AMD1: variants seen among roughly 807,000 people sequenced by gnomAD.
AMD1 encodes the protein S-adenosylmethionine decarboxylase proenzyme.
Under a neutral mutation model 40.2 loss-of-function variants are expected in AMD1, and 11 were observed. That is an observed-to-expected ratio of 0.27 (90% CI 0.17 to 0.45). The LOEUF is 0.45. Among genes scored for constraint, AMD1 ranks in the 20% least tolerant of loss-of-function variants. The pLI is 1.00. For missense variants in AMD1, 257 were observed against 410.2 expected (o/e 0.63, Z 3.23); for synonymous variants, 121 against 130.8 (o/e 0.93, Z 0.51).
chr6:110,855,065 CTTT>C, the AMD1 span, among the ~76,000 whole-genome samples: 8 of 80,462 alleles, frequency 9.9e-5, no homozygotes, highest in South Asian at 5.5e-4. Context: ...CTCTCTCTCT[CTTT>C]TTTTTTTTTT....
intron 1 of AMD1, among the ~76,000 whole-genome samples, chr6:110,876,463 C>G (rs1583209799): frequency 6.6e-6 from 1 of 151,746 alleles, no homozygotes; most frequent in South Asian, 2.1e-4. Context: ...TTGGAGCTGT[C>G]CCTTGACAAA....
the AMD1 span, among the ~76,000 whole-genome samples, chr6:110,822,906 G>A: frequency 4.6e-5 from 7 of 152,178 alleles, no homozygotes; most frequent in East Asian, 5.8e-4. Context: ...CCTGGAGGTC[G>A]GGAGTTCAAG....
the AMD1 span, among the ~76,000 whole-genome samples, chr6:110,846,642 C>G: frequency 6.6e-6 from 1 of 152,074 alleles, no homozygotes; most frequent in African/African-American, 2.4e-5. Flanking sequence ...GAGCCTGAGG[C>G]AGGTGGATCA....
chr6:110,873,469 G>A (rs1247669785), upstream of AMD1, among the ~76,000 whole-genome samples: 2 of 152,252 alleles, frequency 1.3e-5, no homozygotes, highest in Non-Finnish European at 2.9e-5. Flanking sequence ...TAAGACAAGA[G>A]CTATTCTACA....
the AMD1 span, among the ~76,000 whole-genome samples, chr6:110,824,798 A>AAGT: frequency 6.6e-6 from 1 of 152,180 alleles, no homozygotes; most frequent in Non-Finnish European, 1.5e-5. Flanking sequence ...GTTTCTTGGA[A>AAGT]AGTAAGTAGA....
chr6:110,837,172 CAAAAAAAAAAAAAAA>C, the AMD1 span, among the ~76,000 whole-genome samples: 1,375 of 23,930 alleles, frequency 0.057, 62 homozygotes, highest in African/African-American at 0.18. Flanking sequence ...CAGAGCGTCT[CAAAAAAAAAAAAAAA>C]AAAAAAAAAA....
chr6:110,817,484 C>G, the AMD1 span, among the ~76,000 whole-genome samples: 6 of 152,226 alleles, frequency 3.9e-5, no homozygotes, highest in African/African-American at 1.2e-4. Context: ...TAGCATGTGT[C>G]TGTAGTCCCA....
At position 110,893,957 on chromosome 6, in the gene AMD1, T is replaced by TTTTTTA; in HGVS notation, c.*341_*342insTTTTTA. Reference sequence around the variant, plus strand: ...ATGCACAGTGTAATATTTCTCCAAGTATCATCCAAAATTCCCCACAGACAA... The same window carrying TTTTTTA: ...ATGCACAGTGTAATATTTCTCCAAGTTTTTTAATCATCCAAAATTCCCCACAGACAA... On this transcript the variant is annotated 3_prime_UTR_variant, in exon 9 of 9. Transcript: ENST00000368885. 9.0e-6 allele frequency: 2 copies of TTTTTTA among 221,194 alleles called. No homozygotes were observed. The highest frequency in any genetic ancestry group is 1.8e-5 in the Non-Finnish European group (2 of 108,580). 13.7% of individuals were successfully genotyped at this position (221,194 alleles called of 1,614,324 possible). A position where few individuals can be genotyped will look rare whatever the true frequency, so the allele number is the denominator to read the frequency against.
At chr6:110,815,169 G>A in the AMD1 span, 4 of 1,558,406 alleles carry the variant, frequency 2.6e-6, 1 homozygote, top group Non-Finnish European at 3.5e-6. Flanking sequence ...ACGGGACGCG[G>A]GGGCCGCCGC....
the AMD1 span, among the ~76,000 whole-genome samples, chr6:110,820,719 C>T: frequency 7.2e-5 from 11 of 152,002 alleles, no homozygotes; most frequent in Middle Eastern, 3.4e-3. Context: ...CTGGCCAGCA[C>T]GGTGAAACCC....
chr6:110,858,919 T>A, the AMD1 span: 3 of 899,106 alleles, frequency 3.3e-6, no homozygotes, highest in African/African-American at 4.8e-5. Context: ...CGGGACCCGG[T>A]TGACACCAAG....
At chr6:110,826,188 C>T in the AMD1 span, among the ~76,000 whole-genome samples, 3 of 138,252 alleles carry the variant, frequency 2.2e-5, no homozygotes, top group African/African-American at 8.3e-5. Flanking sequence ...AAAAAAATCG[C>T]TTGAACCCGG....
the AMD1 span, among the ~76,000 whole-genome samples, chr6:110,834,840 T>G: frequency 6.6e-6 from 1 of 150,958 alleles, no homozygotes; most frequent in Non-Finnish European, 1.5e-5. Flanking sequence ...TCCCAGCTAC[T>G]TGGGAGGCTG....
chr6:110,875,419 G>A (rs1052220502), intron 1 of AMD1, among the ~76,000 whole-genome samples: 1 of 152,136 alleles, frequency 6.6e-6, no homozygotes, highest in Non-Finnish European at 1.5e-5. Flanking sequence ...TTCTCCCGCC[G>A]TGGTTGCCGC....
chr6:110,867,715 TA>T, the AMD1 span, among the ~76,000 whole-genome samples: 7 of 152,026 alleles, frequency 4.6e-5, no homozygotes, highest in Non-Finnish European at 8.8e-5. Flanking sequence ...CAAAAGCAGT[TA>T]AAAAAATTTC....
chr6:110,876,222 T>C (rs1462681354), intron 1 of AMD1, among the ~76,000 whole-genome samples: 1 of 152,262 alleles, frequency 6.6e-6, no homozygotes, highest in East Asian at 1.9e-4. Flanking sequence ...CCGTGGATGC[T>C]TAGGCCTTGT....
chr6:110,863,802 T>A, the AMD1 span: 1 of 323,902 alleles, frequency 3.1e-6, no homozygotes, highest in Non-Finnish European at 6.0e-6. Flanking sequence ...AAACTTACCA[T>A]GAAACAAATG....
chr6:110,872,350 T>C (rs1193127064), upstream of AMD1, among the ~76,000 whole-genome samples: 1 of 152,048 alleles, frequency 6.6e-6, no homozygotes, highest in Non-Finnish European at 1.5e-5. Flanking sequence ...ATAGGAATGA[T>C]TACTAAAGAG....
At chr6:110,857,791 G>A in the AMD1 span, among the ~76,000 whole-genome samples, 7 of 144,264 alleles carry the variant, frequency 4.9e-5, no homozygotes, top group Non-Finnish European at 9.1e-5. Context: ...TATATAGATG[G>A]TATATATATA....
Sources: allele counts gnomAD v4.1 joint callset (sites outside exome capture counted in the v4.1 genomes callset), GRCh38; gene constraint gnomAD v4.1.1; transcripts MANE v1.5; gene names NCBI Gene and HGNC (gene_info 2026-07-23, HGNC 2026-07-21).